TM7SF3: variants seen among roughly 807,000 people sequenced by gnomAD.
The protein encoded by TM7SF3 is seven span transmembrane protein.
TM7SF3 carries 60 observed loss-of-function variants against 65.5 expected under a neutral mutation model. That is an observed-to-expected ratio of 0.92 (90% CI 0.74 to 1.14). TM7SF3 has a LOEUF of 1.14. Ranked by LOEUF, TM7SF3 falls within the 50% of genes most tolerant of loss-of-function variation. TM7SF3 has a pLI of 0.00. For missense variants in TM7SF3, 623 were observed against 684.8 expected, an observed-to-expected ratio of 0.91 and a Z score of 1.01; for synonymous variants, 264 against 259.6, an observed-to-expected ratio of 1.02 and a Z score of -0.16.
At chr12:27,007,244 CTCA>C (rs1167304953) in intron 1 of TM7SF3, among the ~76,000 whole-genome samples, 10 of 152,248 alleles carry the variant, frequency 6.6e-5, no homozygotes, top group Admixed American at 2.6e-4. Context: ...AAAATGATGC[CTCA>C]TCATCTTCCT....
chr12:26,973,918 AG>A lies in TM7SF3; in HGVS notation c.*46del. 1 of 1,596,200 alleles carries A rather than the reference AG, an allele frequency of 6.3e-7. No homozygotes were observed. Among genetic ancestry groups the A allele is most frequent in the Non-Finnish European group, 8.5e-7 (1 of 1,173,496 alleles). ...GCACCAGAGACTGTTGAACCACTCC[AG>A]GCATGAACTCCAAAGCTGAGGCACA... On this transcript the variant is annotated 3_prime_UTR_variant, in exon 12 of 12. Transcript: ENST00000343028.
At chr12:26,995,986 A>G (rs1940577280) in intron 4 of TM7SF3, among the ~76,000 whole-genome samples, 1 of 152,124 alleles carries the variant, frequency 6.6e-6, no homozygotes, top group South Asian at 2.1e-4. Flanking sequence ...GGCCTAGAGT[A>G]AAATACTACA....
At chr12:27,007,278 C>G (rs571012881) in intron 1 of TM7SF3, among the ~76,000 whole-genome samples, 10 of 152,162 alleles carry the variant, frequency 6.6e-5, no homozygotes, top group African/African-American at 1.9e-4. Context: ...GCCTACAGTG[C>G]GAACCAGGCA....
intron 9 of TM7SF3, among the ~76,000 whole-genome samples, chr12:26,976,580 C>T (rs758463646): frequency 1.3e-5 from 2 of 152,188 alleles, no homozygotes; most frequent in Non-Finnish European, 2.9e-5. Flanking sequence ...AGCAGGTCAA[C>T]GCTCTGCACT....
chr12:27,014,267 C>T lies in TM7SF3; in HGVS notation c.-99G>A. 2 of 1,114,940 alleles carry T rather than the reference C, an allele frequency of 1.8e-6. No individual in the cohort carries two copies. The highest frequency in any genetic ancestry group is 1.8e-5 in the South Asian group (1 of 55,684). The allele number at this position is 1,114,940 out of a possible 1,614,324, so 69.1% of individuals were successfully genotyped here. On this transcript the variant is annotated 5_prime_UTR_variant, in exon 1 of 12. Coordinates refer to ENST00000343028, the MANE Select transcript of TM7SF3 (RefSeq NM_016551.3). Reference sequence around the variant, plus strand: ...CTCGCCCACGCTATCCCGGGGCGCCCGCATCGGGCGCCATCGCCCGCCAGG... The same window carrying T: ...CTCGCCCACGCTATCCCGGGGCGCCTGCATCGGGCGCCATCGCCCGCCAGG...
chr12:26,976,147 C>G, intron 10 of TM7SF3, 113 bp downstream of exon 10: 3 of 764,764 alleles, frequency 3.9e-6, no homozygotes, highest in African/African-American at 1.8e-5. Flanking sequence ...TCATCTGATA[C>G]AGGTAACACA....
intron 1 of TM7SF3, among the ~76,000 whole-genome samples, chr12:27,013,395 C>G (rs190456710): frequency 3.0e-4 from 45 of 152,254 alleles, no homozygotes; most frequent in Admixed American, 2.2e-3. Context: ...GACTGGCAAG[C>G]TTTTGTGTTT....
At chr12:27,014,008 G>A in intron 1 of TM7SF3, 70 bp downstream of exon 1, 1 of 1,327,862 alleles carries the variant, frequency 7.5e-7, no homozygotes, top group East Asian at 2.5e-5. Flanking sequence ...ACAGACCCCT[G>A]GCGGATTTTG....
intron 8 of TM7SF3, 115 bp from the exon 9 acceptor site, chr12:26,980,051 G>C (rs1565867817): frequency 7.9e-7 from 1 of 1,272,350 alleles, no homozygotes; most frequent in Non-Finnish European, 1.1e-6. Flanking sequence ...GTCAGGCACT[G>C]AGGGCTCTTC....
At chr12:27,003,432 A>T (rs1281845075) in intron 1 of TM7SF3, 42 bp from the exon 2 acceptor site, 7 of 1,534,014 alleles carry the variant, frequency 4.6e-6, no homozygotes, top group Non-Finnish European at 6.2e-6. Context: ...TTGTACTCTC[A>T]TATCAATTTG....
chr12:26,996,996 C>A, intron 3 of TM7SF3, 134 bp from the exon 4 acceptor site: 1 of 995,446 alleles, frequency 1.0e-6, no homozygotes, highest in Non-Finnish European at 1.4e-6. Flanking sequence ...AGCTTCTAGT[C>A]GTATACTATT....
chr12:27,012,619 C>T (rs1439436890), intron 1 of TM7SF3: 2 of 456,030 alleles, frequency 4.4e-6, no homozygotes, highest in Non-Finnish European at 8.8e-6. Context: ...TATTAACAAA[C>T]CATGAGCTGT....
At chr12:26,999,741 T>A in intron 2 of TM7SF3, 65 bp from the exon 3 acceptor site, 1 of 1,563,720 alleles carries the variant, frequency 6.4e-7, no homozygotes, top group Admixed American at 1.7e-5. Flanking sequence ...ACTGAGCTGA[T>A]CCAGTGTGCA....
intron 1 of TM7SF3, among the ~76,000 whole-genome samples, chr12:27,012,384 C>G (rs1460276804): frequency 6.6e-6 from 1 of 152,110 alleles, no homozygotes; most frequent in East Asian, 1.9e-4. Flanking sequence ...AAAAAGTTGC[C>G]CTTTTCAGCT....
chr12:26,999,545 TAGGA>T lies in TM7SF3; in HGVS notation c.374_377del (p.Ile125AsnfsTer20), dbSNP rs757226664. On this transcript the variant is annotated frameshift_variant, in exon 3 of 12. Coordinates refer to ENST00000343028, the MANE Select transcript of TM7SF3 (RefSeq NM_016551.3). LOFTEE classifies it high-confidence loss of function. ...GGTTACCTCTTTCTGAGTAGGAGAGTAGGATAGCCATATTCTGGACAGGCTGTAT... is the reference window on the plus strand; with the variant it reads ...GGTTACCTCTTTCTGAGTAGGAGAGTTAGCCATATTCTGGACAGGCTGTAT... 131 of 1,613,478 alleles carry T rather than the reference TAGGA, an allele frequency of 8.1e-5. No homozygotes were observed. The highest frequency in any genetic ancestry group is 1.1e-4 in the Non-Finnish European group (129 of 1,179,872).
rs545256310 is a variant in TM7SF3 at position 26,992,270 on chromosome 12, TTTA to T, written c.691-1646_691-1644del. ...TCTAACACAAAGGCTATTTTATTTT[TTTA>T]TTATTATTATTATTATTATTGAGAC... On this transcript the variant is annotated intron_variant, in intron 5 of 11. Coordinates refer to ENST00000343028, the MANE Select transcript of TM7SF3 (RefSeq NM_016551.3). 2.0e-5 allele frequency among the ~76,000 whole-genome samples: 3 copies of T among 151,306 alleles called. 1 individual carries two copies. The highest frequency in any genetic ancestry group is 4.8e-5 in the African/African-American group (2 of 41,324).
In TM7SF3 at chr12:26,995,391, G is replaced by A. The variant is rs34735713; in HGVS notation, c.536C>T (p.Pro179Leu). The A allele has an allele frequency of 2.6e-5, 42 of 1,614,156 alleles. No homozygotes were observed. The African/African-American group carries it at 5.3e-4, about 20-fold the overall frequency. The change falls in exon 5 of 12, where the codon CCA (proline) becomes CTA (leucine). Residue 179 changes from proline (P) to leucine (L), a missense_variant. Coordinates refer to ENST00000343028, the MANE Select transcript of TM7SF3 (RefSeq NM_016551.3). ...GTCCTGGTCTGTCCCAGCGTCACATGGTGGGGGATCTACGCCTCTAAAGTC... is the reference window on the plus strand; with the variant it reads ...GTCCTGGTCTGTCCCAGCGTCACATAGTGGGGGATCTACGCCTCTAAAGTC... The part of the protein sequence containing the change: ...LGYARGVDPP[P>L]CDAGTDQDSR...
chr12:26,999,407 AT>A, intron 3 of TM7SF3, 118 bp downstream of exon 3: 1 of 1,136,432 alleles, frequency 8.8e-7, no homozygotes, highest in Non-Finnish European at 1.2e-6. Context: ...AAAAAAAAAA[AT>A]CCGATTATAT....
chr12:27,006,706 G>A (rs967502771), intron 1 of TM7SF3, among the ~76,000 whole-genome samples: 3 of 152,182 alleles, frequency 2.0e-5, no homozygotes, highest in Admixed American at 1.3e-4. Flanking sequence ...TTTCCGCATA[G>A]ATGGAAAAAG....
Sources: allele counts gnomAD v4.1 joint callset (sites outside exome capture counted in the v4.1 genomes callset), GRCh38; gene constraint gnomAD v4.1.1; transcripts MANE v1.5; gene names NCBI Gene and HGNC (gene_info 2026-07-23, HGNC 2026-07-21).